The following FANCC variants were observed in gnomAD, a reference collection of about 807,000 sequenced individuals.
FANCC encodes the protein Fanconi anemia group C protein.
In FANCC, 55 loss-of-function variants were observed where a neutral mutation model predicts 71.3. The ratio of observed to expected loss-of-function variants is 0.77; its 90% CI spans 0.62 to 0.97. The LOEUF (loss-of-function observed/expected upper bound fraction) is 0.97, where lower values mean the gene tolerates loss of function less well. Ranked by LOEUF, FANCC falls within the 50% of genes least tolerant of loss-of-function variation. The pLI is 0.00. For synonymous variants in FANCC, 275 were observed against 244.9 expected (o/e 1.12, Z -1.15); for missense variants, 678 against 670.9 (o/e 1.01, Z -0.12).
intron 1 of FANCC, among the ~76,000 whole-genome samples, chr9:95,254,472 A>T (rs557968692): frequency 1.3e-5 from 2 of 152,276 alleles, no homozygotes; most frequent in South Asian, 4.1e-4. Context: ...AAGAAGCACA[A>T]TGGATTGGGG....
chr9:95,154,969 G>A (rs1390805432), intron 6 of FANCC, among the ~76,000 whole-genome samples: 4 of 151,692 alleles, frequency 2.6e-5, no homozygotes, highest in African/African-American at 9.7e-5. Context: ...ACTTTGGGAG[G>A]TTAAGGTGGG....
At chr9:95,128,588 G>A (rs1380226688) in intron 8 of FANCC, among the ~76,000 whole-genome samples, 3 of 152,172 alleles carry the variant, frequency 2.0e-5, no homozygotes, top group East Asian at 3.9e-4. Context: ...AAACCACTGG[G>A]GGAGCAAGGA....
chr9:95,274,329 C>T (rs1466646073), intron 1 of FANCC, among the ~76,000 whole-genome samples: 1 of 152,164 alleles, frequency 6.6e-6, no homozygotes. Context: ...CCAGCTTTAT[C>T]CATGTCCCTG....
rs200138313 is a variant in FANCC, at chr9:95,247,417, G to A, written c.250+15C>T. 15 of 1,594,944 alleles carry A rather than the reference G, an allele frequency of 9.4e-6. No individual in the cohort carries two copies. Among genetic ancestry groups the A allele is most frequent in the Admixed American group, 5.0e-5 (3 of 59,940 alleles). Reference sequence around the variant, plus strand: ...TAAAATAGCCATTTTGAGAGGACACGTTTTTGATTCTTACCATATGCTAAA... The same window carrying A: ...TAAAATAGCCATTTTGAGAGGACACATTTTTGATTCTTACCATATGCTAAA... On this transcript the variant is annotated intron_variant, in intron 3 of 14. Coordinates refer to ENST00000289081, the MANE Select transcript of FANCC (RefSeq NM_000136.3).
intron 4 of FANCC, among the ~76,000 whole-genome samples, chr9:95,184,996 AAC>A (rs1463929033): frequency 3.3e-5 from 5 of 152,248 alleles, no homozygotes; most frequent in African/African-American, 7.2e-5. Context: ...ATATTCTTGT[AAC>A]ACAGTTTCAC....
chr9:95,180,701 T>C (rs2135667117), intron 4 of FANCC, among the ~76,000 whole-genome samples: 1 of 152,046 alleles, frequency 6.6e-6, no homozygotes, highest in East Asian at 1.9e-4. Context: ...GTATGTTAAG[T>C]ACATAAACCA....
intron 8 of FANCC, among the ~76,000 whole-genome samples, chr9:95,132,693 T>A (rs1827094472): frequency 6.6e-6 from 1 of 152,156 alleles, no homozygotes; most frequent in Non-Finnish European, 1.5e-5. Context: ...AGATGTTAAA[T>A]ACATACATAG....
chr9:95,244,786 C>G (rs1042256384), intron 3 of FANCC, among the ~76,000 whole-genome samples: 1 of 143,912 alleles, frequency 6.9e-6, no homozygotes, highest in Non-Finnish European at 1.5e-5. Context: ...AATGCCAAGA[C>G]TGGAACACTT....
intron 1 of FANCC, among the ~76,000 whole-genome samples, chr9:95,283,949 T>C (rs1474554634): frequency 6.6e-6 from 1 of 152,250 alleles, no homozygotes; most frequent in Non-Finnish European, 1.5e-5. Flanking sequence ...TCCGTTTCTG[T>C]ATCTGTAAAA....
intron 4 of FANCC, among the ~76,000 whole-genome samples, chr9:95,231,344 C>T (rs1829998811): frequency 1.3e-5 from 2 of 152,210 alleles, no homozygotes; most frequent in African/African-American, 4.8e-5. Context: ...ACTGAGACAG[C>T]CAGGTGACAG....
intron 11 of FANCC, among the ~76,000 whole-genome samples, 177 bp downstream of exon 11, chr9:95,117,138 G>C (rs2072483507): frequency 6.6e-6 from 1 of 152,174 alleles, no homozygotes; most frequent in South Asian, 2.1e-4. Context: ...GGGAAGCCAA[G>C]CAGACTCTCA....
Position 95,249,513 on chromosome 9 carries a change from A to T in FANCC, c.-78-144T>A, listed in dbSNP as rs55757192. 4.6e-4 allele frequency: 262 copies of T among 570,600 alleles called. 1 individual carries two copies. The highest frequency in any genetic ancestry group is 4.5e-3 in the African/African-American group (240 of 53,548). 35.3% of individuals were successfully genotyped at this position (570,600 alleles called of 1,614,324 possible). The stretch of plus-strand genomic sequence containing the variant: ...GGAGCCATCTTTGAATTGTTATAAA[A>T]TATGTCATCCAGCTGGAGCTCCAAT... On this transcript the variant is annotated intron_variant, in intron 1 of 14. Transcript: ENST00000289081.
chr9:95,186,440 G>A (rs1826714806), intron 4 of FANCC: 1 of 152,180 alleles, frequency 6.6e-6, no homozygotes, highest in Non-Finnish European at 1.5e-5. Context: ...CAGCAAAACT[G>A]CCTCAGCTGA....
chr9:95,231,949 A>G (rs1830035311), intron 4 of FANCC, among the ~76,000 whole-genome samples: 1 of 152,210 alleles, frequency 6.6e-6, no homozygotes, highest in Non-Finnish European at 1.5e-5. Context: ...CTATAAAGAA[A>G]TACCTGAGAC....
intron 4 of FANCC, among the ~76,000 whole-genome samples, chr9:95,237,309 C>T (rs940020605): frequency 6.6e-6 from 1 of 152,186 alleles, no homozygotes; most frequent in Non-Finnish European, 1.5e-5. Flanking sequence ...GCTATCACCC[C>T]CTTCATTGCC....
At chr9:95,279,947 CAAAAAAAAAAAAA>C (rs71498957) in intron 1 of FANCC, among the ~76,000 whole-genome samples, 5 of 64,768 alleles carry the variant, frequency 7.7e-5, no homozygotes, top group African/African-American at 3.0e-4. Context: ...GACTCTGTCT[CAAAAAAAAAAAAA>C]AAAAAAAAAA....
chr9:95,165,729 T>C (rs1485648209), intron 6 of FANCC, among the ~76,000 whole-genome samples: 2 of 152,232 alleles, frequency 1.3e-5, no homozygotes, highest in Non-Finnish European at 2.9e-5. Context: ...GTTCTATATG[T>C]GCTTGAGAAG....
intron 4 of FANCC, among the ~76,000 whole-genome samples, chr9:95,181,780 T>C (rs1260369784): frequency 6.6e-6 from 1 of 152,214 alleles, no homozygotes; most frequent in African/African-American, 2.4e-5. Context: ...TTAAGCCCAA[T>C]TTCGATTCAT....
intron 1 of FANCC, among the ~76,000 whole-genome samples, chr9:95,309,433 G>A (rs755883303): frequency 6.6e-6 from 1 of 152,198 alleles, no homozygotes; most frequent in African/African-American, 2.4e-5. Context: ...ATTTTATATA[G>A]TGTTTTATTA....
Sources: allele counts gnomAD v4.1 joint callset (sites outside exome capture counted in the v4.1 genomes callset), GRCh38; gene constraint gnomAD v4.1.1; transcripts MANE v1.5; gene names NCBI Gene and HGNC (gene_info 2026-07-23, HGNC 2026-07-21).